Variants in FBH1 observed in about 807,000 individuals in gnomAD.
FBH1 encodes the protein DNA 3'-5' helicase 1.
FBH1 carries 43 observed loss-of-function variants against 115.5 expected under a neutral mutation model. That is an observed-to-expected ratio of 0.37 (90% CI 0.29 to 0.48). The LOEUF is 0.48. FBH1 is among the 20% of genes least tolerant of loss of function. The pLI, the probability that FBH1 is intolerant of heterozygous loss-of-function variation, is 0.99. For missense variants in FBH1, 1,001 were observed against 1,337.3 expected (o/e 0.75, Z 3.92); for synonymous variants, 524 against 507.8 (o/e 1.03, Z -0.43).
intron 19 of FBH1, chr10:5,928,569 A>C (rs1832789516): frequency 6.6e-6 from 1 of 152,196 alleles, no homozygotes; most frequent in Non-Finnish European, 1.5e-5. Flanking sequence ...CCAGAAGAAC[A>C]CATCCTTGCC....
chr10:5,912,378 T>C (rs1033384288), intron 6 of FBH1, among the ~76,000 whole-genome samples: 7 of 132,626 alleles, frequency 5.3e-5, no homozygotes, highest in Middle Eastern at 4.3e-3. Context: ...AAAAAAAAAA[T>C]GTAGAATAAA....
chr10:5,916,369 T>C lies in FBH1; in HGVS notation c.1701T>C (p.Ala567=), dbSNP rs2132008115. 1 of 1,614,258 alleles carries C rather than the reference T, an allele frequency of 6.2e-7. No individual in the cohort carries two copies. Among genetic ancestry groups the C allele is most frequent in the South Asian group, 1.1e-5 (1 of 91,082 alleles). ...CTCTAGAAAACTTCTTTGCCTCGGCTGACGAAGAGCTGACCATTGATCACG... is the reference window on the plus strand; with the variant it reads ...CTCTAGAAAACTTCTTTGCCTCGGCCGACGAAGAGCTGACCATTGATCACG... ...CKTLENFFAS[A]DEELTIDHVP... Residue 567 remains alanine (A), a synonymous_variant, in exon 10 of 21, where the codon GCT becomes GCC. Transcript: ENST00000362091.
chr10:5,896,999 G>T (rs568261952), intron 1 of FBH1, among the ~76,000 whole-genome samples: 3 of 152,260 alleles, frequency 2.0e-5, no homozygotes, highest in East Asian at 1.9e-4. Context: ...GAATAGAAGG[G>T]TGATTAGAAT....
At chr10:5,898,747 A>G (rs539166908) in intron 1 of FBH1, among the ~76,000 whole-genome samples, 1 of 152,292 alleles carries the variant, frequency 6.6e-6, no homozygotes, top group Admixed American at 6.5e-5. Flanking sequence ...CTTGCGGGTG[A>G]GGATTTCAGT....
chr10:5,936,209 G>C lies in FBH1; in HGVS notation c.2830-247G>C. The C allele has an allele frequency of 3.7e-6, 1 of 272,480 alleles. No homozygotes were observed. Among genetic ancestry groups the C allele is most frequent in the South Asian group, 7.4e-5 (1 of 13,440 alleles). 16.9% of individuals were successfully genotyped at this position (272,480 alleles called of 1,614,324 possible). A position where few individuals can be genotyped will look rare whatever the true frequency, so the allele number is the denominator to read the frequency against. On this transcript the variant is annotated intron_variant, in intron 19 of 20. Coordinates refer to ENST00000362091, the MANE Select transcript of FBH1 (RefSeq NM_178150.3). The surrounding 1 kb of genome is among the most constrained non-coding windows in gnomAD (Gnocchi z 5.6). ...TCTGGAAATGTCATTACAGGCAATA[G>C]TTTTGCATGTTTATCTGTTAAATAT... is the stretch of plus-strand genomic sequence containing the variant.
At position 5,915,334 on chromosome 10, in the gene FBH1, C is replaced by A; in HGVS notation, c.1397-69C>A. On this transcript the variant is annotated intron_variant, in intron 8 of 20. Coordinates refer to ENST00000362091, the MANE Select transcript of FBH1 (RefSeq NM_178150.3). The surrounding 1 kb of genome is among the most constrained non-coding windows in gnomAD (Gnocchi z 5.2). ...GAGGTGTGATAAGCCTGGACAAGGC[C>A]TGATTGGGGATCCCTGGGCATGTCT... The A allele has an allele frequency of 6.5e-7, 1 of 1,544,058 alleles. No homozygotes were observed. Among genetic ancestry groups the A allele is most frequent in the Non-Finnish European group, 8.9e-7 (1 of 1,129,382 alleles).
Position 5,915,969 on chromosome 10 carries a change from G to A in FBH1, c.1566-265G>A, listed in dbSNP as rs1467594323. On this transcript the variant is annotated intron_variant, in intron 9 of 20. Transcript: ENST00000362091. This position sits in a 1 kb window ranked among gnomAD's most constrained non-coding sequence, Gnocchi z 5.2. The stretch of plus-strand genomic sequence containing the variant: ...ATCAGGGAACTCCAAGGGTCCCTCC[G>A]GGGACCTTCTGGAGCCCAGCTTCAT... 1.9e-5 allele frequency: 10 copies of A among 513,472 alleles called. No individual in the cohort carries two copies. The highest frequency in any genetic ancestry group is 7.6e-5 in the African/African-American group (4 of 52,388). 31.8% of individuals were successfully genotyped at this position (513,472 alleles called of 1,614,324 possible).
chr10:5,929,747 C>T (rs771862854), intron 19 of FBH1: 2 of 152,120 alleles, frequency 1.3e-5, no homozygotes, highest in Non-Finnish European at 2.9e-5. Context: ...ATGTGGCCCA[C>T]GTGTAGTTTG....
chr10:5,896,864 G>A (rs1017701748), intron 1 of FBH1, among the ~76,000 whole-genome samples: 1 of 152,010 alleles, frequency 6.6e-6, no homozygotes, highest in South Asian at 2.1e-4. Context: ...TGTGTAGAGA[G>A]GGAGGCATAC....
In FBH1 at chr10:5,910,257, G is replaced by A. The variant is rs892569154; in HGVS notation, c.1021-681G>A. Among the ~76,000 whole-genome samples the A allele has an allele frequency of 6.6e-6, 1 of 151,688 alleles. No individual in the cohort carries two copies. The highest frequency in any genetic ancestry group is 6.6e-5 in the Admixed American group (1 of 15,224). Reference sequence around the variant, plus strand: ...AGATCGCGCCACTGCACTCCAGCCTGTGTGACAGAGTCAGACTTTGTCTCA... The same window carrying A: ...AGATCGCGCCACTGCACTCCAGCCTATGTGACAGAGTCAGACTTTGTCTCA... On this transcript the variant is annotated intron_variant, in intron 5 of 20. Transcript: ENST00000362091. The surrounding 1 kb of genome is among the most constrained non-coding windows in gnomAD (Gnocchi z 4.8).
At chr10:5,908,888 T>G in intron 3 of FBH1, 37 bp from the exon 4 acceptor site, 1 of 1,610,960 alleles carries the variant, frequency 6.2e-7, no homozygotes, top group African/African-American at 1.3e-5. Flanking sequence ...AATGGCCCTT[T>G]GCCTCATGTT....
chr10:5,909,311 C>T lies in FBH1; in HGVS notation c.1020+17C>T, dbSNP rs753063035. ...GCTGCCGGGGTAGGTCTGGAGGCTGCGGGAGAAGGCGGCATGTTATTTCAC... is the reference window on the plus strand; with the variant it reads ...GCTGCCGGGGTAGGTCTGGAGGCTGTGGGAGAAGGCGGCATGTTATTTCAC... On this transcript the variant is annotated intron_variant, in intron 5 of 20. Transcript: ENST00000362091. This position sits in a 1 kb window ranked among gnomAD's most constrained non-coding sequence, Gnocchi z 4.4. 14 of 1,598,960 alleles carry T rather than the reference C, an allele frequency of 8.8e-6. No individual in the cohort carries two copies. In the Admixed American group the frequency reaches 1.0e-4, roughly 12 times the overall value.
In FBH1 at chr10:5,925,534, T is replaced by A; in HGVS notation, c.2722+42T>A. 6.2e-7 allele frequency: 1 copy of A among 1,609,738 alleles called. No homozygotes were observed. Among genetic ancestry groups the A allele is most frequent in the Non-Finnish European group, 8.5e-7 (1 of 1,178,440 alleles). On this transcript the variant is annotated intron_variant, in intron 18 of 20. Coordinates refer to ENST00000362091, the MANE Select transcript of FBH1 (RefSeq NM_178150.3). The surrounding 1 kb of genome is among the most constrained non-coding windows in gnomAD (Gnocchi z 4.6). ...TAGTGTCAGGTGCTGCTGTATGTAG[T>A]GAGTGGTGACTGGAATGCTTCCTTT...
Position 5,915,747 on chromosome 10 carries a change from T to C in FBH1, c.1565+176T>C, listed in dbSNP as rs1831887682. ...GGTTTAGCCATTTGTACTTTTATCC[T>C]GTAGCAACATATTGTTTACATATAA... is the stretch of plus-strand genomic sequence containing the variant. On this transcript the variant is annotated intron_variant, in intron 9 of 20. Transcript: ENST00000362091. The surrounding 1 kb of genome is among the most constrained non-coding windows in gnomAD (Gnocchi z 5.2). 3.3e-6 allele frequency: 2 copies of C among 611,390 alleles called. No homozygotes were observed. The highest frequency in any genetic ancestry group is 5.7e-6 in the Non-Finnish European group (2 of 349,810). 37.9% of individuals were successfully genotyped at this position (611,390 alleles called of 1,614,324 possible). A position where few individuals can be genotyped will look rare whatever the true frequency, so the allele number is the denominator to read the frequency against.
chr10:5,908,782 T>C (rs1410431230), intron 3 of FBH1, 143 bp from the exon 4 acceptor site: 2 of 873,162 alleles, frequency 2.3e-6, no homozygotes, highest in African/African-American at 3.4e-5. Flanking sequence ...AATTTTTGTA[T>C]TTTTTTTCAG....
Position 5,925,438 on chromosome 10 carries a change from G to A in FBH1, c.2668G>A (p.Val890Met), listed in dbSNP as rs750345379. 3.6e-5 allele frequency: 58 copies of A among 1,614,078 alleles called. No individual in the cohort carries two copies. The highest frequency in any genetic ancestry group is 4.8e-5 in the Non-Finnish European group (57 of 1,180,050). Residue 890 changes from valine (V) to methionine (M), a missense_variant, in exon 18 of 21, where the codon GTG becomes ATG. By Grantham distance (21) the Val-to-Met change is conservative. Around this residue, in one of 4 missense-constraint regions of FBH1, gnomAD observed 521 missense variants for 811.0 expected, o/e 0.64. Coordinates refer to ENST00000362091, the MANE Select transcript of FBH1 (RefSeq NM_178150.3). The surrounding 1 kb of genome is among the most constrained non-coding windows in gnomAD (Gnocchi z 4.6). ...FDTVHVLDDF[V>M]KVPCARHNLP... ...CACTGTGCATGTTTTGGATGATTTT[G>A]TGAAAGTGCCTTGTGCCCGGCATAA... is the stretch of plus-strand genomic sequence containing the variant.
In FBH1 at chr10:5,936,349, CT is replaced by C. The variant is rs1284203190; in HGVS notation, c.2830-105del. 1.7e-5 allele frequency: 22 copies of C among 1,324,722 alleles called. No individual in the cohort carries two copies. Among genetic ancestry groups the C allele is most frequent in the Admixed American group, 3.8e-5 (2 of 53,228 alleles). 82.1% of individuals were successfully genotyped at this position (1,324,722 alleles called of 1,614,324 possible). A position where few individuals can be genotyped will look rare whatever the true frequency, so the allele number is the denominator to read the frequency against. On this transcript the variant is annotated intron_variant, in intron 19 of 20. Transcript: ENST00000362091. This position sits in a 1 kb window ranked among gnomAD's most constrained non-coding sequence, Gnocchi z 5.6. ...TTAGGCGGGGTTTTTCTCTCTGGGA[CT>C]TACAGTGCATCTAAAGGGTTCTCAC...
Position 5,897,899 on chromosome 10 carries a change from T to TA in FBH1, c.2-5116dup, listed in dbSNP as rs60261370. Among the ~76,000 whole-genome samples, 67,072 of 152,040 alleles carry TA rather than the reference T, an allele frequency of 0.44. 15,844 individuals are homozygous for TA. Among genetic ancestry groups the TA allele is most frequent in the East Asian group, 0.68 (3,543 of 5,178 alleles). The stretch of plus-strand genomic sequence containing the variant: ...GTATTTTCTGAGATAAATACATAAA[T>TA]AAAAATCTATCCTGTTCATATTACC... On this transcript the variant is annotated intron_variant, in intron 1 of 20. Transcript: ENST00000362091. This position sits in a 1 kb window ranked among gnomAD's most constrained non-coding sequence, Gnocchi z 4.7.
chr10:5,920,072 A>T (rs559424014), intron 13 of FBH1, among the ~76,000 whole-genome samples: 1 of 152,222 alleles, frequency 6.6e-6, no homozygotes, highest in African/African-American at 2.4e-5. Flanking sequence ...CCCACATTAC[A>T]TGTAACCATG....
Sources: allele counts gnomAD v4.1 joint callset (sites outside exome capture counted in the v4.1 genomes callset), GRCh38; gene constraint gnomAD v4.1.1; regional missense constraint gnomAD v4.1.1; non-coding constraint Gnocchi (gnomAD v3.1); transcripts MANE v1.5; gene names NCBI Gene and HGNC (gene_info 2026-07-23, HGNC 2026-07-21).